The following ZNF326 variants were observed in gnomAD, a reference collection of about 807,000 sequenced individuals.
ZNF326 encodes DBIRD complex subunit ZNF326.
Under a neutral mutation model 63.1 loss-of-function variants are expected in ZNF326, and 30 were observed. The ratio of observed to expected loss-of-function variants is 0.48; its 90% CI spans 0.36 to 0.64. The LOEUF (loss-of-function observed/expected upper bound fraction) is 0.64, where lower values mean the gene tolerates loss of function less well. Ranked by LOEUF, ZNF326 falls within the 30% of genes least tolerant of loss-of-function variation. The pLI is 0.00. For synonymous variants in ZNF326, 194 were observed against 228.2 expected (o/e 0.85, Z 1.35); for missense variants, 609 against 720.3 (o/e 0.85, Z 1.77).
intron 1 of ZNF326, among the ~76,000 whole-genome samples, chr1:89,997,651 G>A (rs1429101673): frequency 2.0e-5 from 3 of 152,164 alleles, no homozygotes; most frequent in African/African-American, 7.2e-5. Context: ...GATTACAGGC[G>A]TGAGCCACCG....
At position 90,028,856 on chromosome 1, in the gene ZNF326, T is replaced by A. The variant is rs1650144982; in HGVS notation, c.*1155T>A. The A allele has an allele frequency of 6.6e-6, 1 of 151,050 alleles. No homozygotes were observed. The highest frequency in any genetic ancestry group is 1.5e-5 in the Non-Finnish European group (1 of 67,838). 9.4% of individuals were successfully genotyped at this position (151,050 alleles called of 1,614,324 possible). On this transcript the variant is annotated 3_prime_UTR_variant, in exon 12 of 12. Coordinates refer to ENST00000340281, the MANE Select transcript of ZNF326 (RefSeq NM_182976.4). ...TTTCTTTTTTGGGACAGGGTTTCAC[T>A]CTGTCACCCAGGCTGGAGTGCAGTG...
intron 1 of ZNF326, 137 bp downstream of exon 1, chr1:89,995,410 A>G: frequency 8.3e-7 from 1 of 1,200,900 alleles, no homozygotes; most frequent in Non-Finnish European, 1.1e-6. Flanking sequence ...CCCCGGGCCC[A>G]GCGCCCGGAG....
intron 1 of ZNF326, among the ~76,000 whole-genome samples, chr1:89,997,319 G>A (rs931724379): frequency 9.2e-5 from 14 of 152,112 alleles, no homozygotes; most frequent in African/African-American, 3.4e-4. Context: ...CATTCTGCTT[G>A]AATATAGAAC....
rs115564388 is a variant in ZNF326, at chr1:90,026,399, A to G, written c.1402-955A>G. On this transcript the variant is annotated intron_variant, in intron 11 of 11. Transcript: ENST00000340281. Reference sequence around the variant, plus strand: ...TGGCTTCACCAATGCACTCTCTGCAAGCAGGCAATTCGTAAATGTAAATAT... The same window carrying G: ...TGGCTTCACCAATGCACTCTCTGCAGGCAGGCAATTCGTAAATGTAAATAT... Among the ~76,000 whole-genome samples, 1,012 of 152,302 alleles carry G rather than the reference A, an allele frequency of 6.6e-3. 11 individuals are homozygous for G. Among genetic ancestry groups the G allele is most frequent in the African/African-American group, 0.023 (957 of 41,552 alleles).
intron 7 of ZNF326, 146 bp downstream of exon 7, chr1:90,013,383 T>C (rs2101073639): frequency 1.7e-6 from 1 of 597,764 alleles, no homozygotes; most frequent in East Asian, 3.2e-5. Flanking sequence ...TGGTTTTTGA[T>C]ATTTATATGT....
At chr1:90,021,525 C>G (rs980347092) in intron 10 of ZNF326, among the ~76,000 whole-genome samples, 9 of 152,032 alleles carry the variant, frequency 5.9e-5, no homozygotes, top group African/African-American at 2.2e-4. Context: ...TTACTGTCTT[C>G]TTTTTGGTCA....
chr1:90,019,533 GT>G lies in ZNF326; in HGVS notation c.1174+753del, dbSNP rs552073875. 7.9e-5 allele frequency among the ~76,000 whole-genome samples: 12 copies of G among 152,110 alleles called. No homozygotes were observed. The South Asian group carries it at 2.5e-3, about 32-fold the overall frequency. On this transcript the variant is annotated intron_variant, in intron 9 of 11. Coordinates refer to ENST00000340281, the MANE Select transcript of ZNF326 (RefSeq NM_182976.4). Reference sequence around the variant, plus strand: ...TTCTGTGGCACTTCACTGGCCTAATGTTTTCTTTATCCTTTTGTCATTTTTT... The same window carrying G: ...TTCTGTGGCACTTCACTGGCCTAATGTTTCTTTATCCTTTTGTCATTTTTT...
chr1:89,995,334 G>T (rs1368567675), intron 1 of ZNF326, 61 bp downstream of exon 1: 19 of 1,520,066 alleles, frequency 1.2e-5, no homozygotes, highest in Non-Finnish European at 1.6e-5. Context: ...CTACGCAGGG[G>T]GTCTGTTTAC....
At chr1:89,998,016 TA>T (rs1570931308) in intron 1 of ZNF326, 93 bp from the exon 2 acceptor site, 1 of 1,148,082 alleles carries the variant, frequency 8.7e-7, no homozygotes, top group East Asian at 2.4e-5. Flanking sequence ...AATGTCATTT[TA>T]AAAATTGTGC....
chr1:89,996,741 A>C (rs1007607731), intron 1 of ZNF326, among the ~76,000 whole-genome samples: 2 of 151,060 alleles, frequency 1.3e-5, no homozygotes, highest in African/African-American at 4.8e-5. Context: ...CTTCGTCTGA[A>C]AAAAAAAAAA....
intron 2 of ZNF326, among the ~76,000 whole-genome samples, chr1:90,002,807 T>G (rs891464104): frequency 3.3e-5 from 5 of 152,202 alleles, no homozygotes; most frequent in Admixed American, 2.0e-4. Flanking sequence ...TTAAAACCCA[T>G]TAGTATGTCT....
intron 2 of ZNF326, among the ~76,000 whole-genome samples, chr1:90,001,142 A>G (rs1346234197): frequency 6.6e-6 from 1 of 152,162 alleles, no homozygotes; most frequent in African/African-American, 2.4e-5. Context: ...AATATGCCAG[A>G]TGTCAGTAGC....
chr1:90,013,436 T>A (rs1020959269), intron 7 of ZNF326, among the ~76,000 whole-genome samples, 199 bp downstream of exon 7: 3 of 152,242 alleles, frequency 2.0e-5, no homozygotes, highest in African/African-American at 7.2e-5. Context: ...ATTCTATTCA[T>A]ATTGGCAATC....
Position 90,029,982 on chromosome 1 carries a change from G to A in ZNF326, c.*2281G>A, listed in dbSNP as rs766127408. ...TAAGGATGTATATAAGATCTTAAAC[G>A]CCTTTCAACTTCTGTTTTCAAGTAT... is the stretch of plus-strand genomic sequence containing the variant. On this transcript the variant is annotated 3_prime_UTR_variant, in exon 12 of 12. Transcript: ENST00000340281. 1.1e-4 allele frequency: 17 copies of A among 152,172 alleles called. No homozygotes were observed. Among genetic ancestry groups the A allele is most frequent in the South Asian group, 4.2e-4 (2 of 4,818 alleles). The allele number at this position is 152,172 out of a possible 1,614,324, so 9.4% of individuals were successfully genotyped here.
At chr1:89,998,025 T>C (rs893480871) in intron 1 of ZNF326, 85 bp from the exon 2 acceptor site, 2 of 1,226,588 alleles carry the variant, frequency 1.6e-6, no homozygotes, top group Non-Finnish European at 2.3e-6. Flanking sequence ...TTAAAAATTG[T>C]GCTTGTTTTT....
At chr1:90,006,222 T>C (rs1648977969) in intron 4 of ZNF326, 1 of 985,072 alleles carries the variant, frequency 1.0e-6, no homozygotes, top group Non-Finnish European at 1.2e-6. Flanking sequence ...TTGAAAAATG[T>C]AGTTGGAAAT....
In ZNF326 at chr1:90,031,624, T is replaced by A. The variant is rs1250250022; in HGVS notation, c.*3923T>A. 1 of 151,534 alleles carries A rather than the reference T, an allele frequency of 6.6e-6. No homozygotes were observed. Among genetic ancestry groups the A allele is most frequent in the Admixed American group, 6.6e-5 (1 of 15,166 alleles). 9.4% of individuals were successfully genotyped at this position (151,534 alleles called of 1,614,324 possible). A position where few individuals can be genotyped will look rare whatever the true frequency, so the allele number is the denominator to read the frequency against. ...CAGGCTGGAGTTCAGTGGCACTATC[T>A]CAGCTCACTGCAATCTCTGCTTCCT... On this transcript the variant is annotated 3_prime_UTR_variant, in exon 12 of 12. Transcript: ENST00000340281.
intron 11 of ZNF326, among the ~76,000 whole-genome samples, chr1:90,025,704 T>C (rs2101096678): frequency 6.6e-6 from 1 of 152,326 alleles, no homozygotes; most frequent in East Asian, 1.9e-4. Context: ...CTTCCTAAGA[T>C]TACTAATGTT....
intron 2 of ZNF326, among the ~76,000 whole-genome samples, chr1:90,002,296 A>G (rs1648724623): frequency 6.6e-6 from 1 of 152,180 alleles, no homozygotes; most frequent in Admixed American, 6.5e-5. Context: ...TAACACATAC[A>G]TGGTTAGTGT....
Sources: allele counts gnomAD v4.1 joint callset (sites outside exome capture counted in the v4.1 genomes callset), GRCh38; gene constraint gnomAD v4.1.1; transcripts MANE v1.5; gene names NCBI Gene and HGNC (gene_info 2026-07-23, HGNC 2026-07-21).